The following PCNX1 variants were observed in gnomAD, a reference collection of about 807,000 sequenced individuals.
The protein encoded by PCNX1 is pecanex-like protein 1.
PCNX1 carries 78 observed loss-of-function variants against 242.2 expected under a neutral mutation model. The ratio of observed to expected loss-of-function variants is 0.32; its 90% CI spans 0.27 to 0.39. The LOEUF (loss-of-function observed/expected upper bound fraction) is 0.39, where lower values mean the gene tolerates loss of function less well. Among genes scored for constraint, PCNX1 ranks in the 10% least tolerant of loss-of-function variants. The pLI is 1.00. For synonymous variants in PCNX1, 1,024 were observed against 1,032.9 expected (o/e 0.99, Z 0.17); for missense variants, 2,581 against 2,856.5 (o/e 0.90, Z 2.20).
At chr14:70,975,236 A>G (rs933765846) in intron 5 of PCNX1, among the ~76,000 whole-genome samples, 1 of 152,210 alleles carries the variant, frequency 6.6e-6, no homozygotes, top group Non-Finnish European at 1.5e-5. Context: ...AAATAACATT[A>G]TAATTTAATA....
At chr14:71,105,514 GAGGAT>G in intron 33 of PCNX1, 74 bp downstream of exon 33, 1 of 1,149,854 alleles carries the variant, frequency 8.7e-7, no homozygotes, top group Non-Finnish European at 1.3e-6. Context: ...TGTGTATAAA[GAGGAT>G]TACATGTGGT....
chr14:71,080,372 A>G (rs1192935271), intron 28 of PCNX1, among the ~76,000 whole-genome samples: 1 of 152,110 alleles, frequency 6.6e-6, no homozygotes, highest in South Asian at 2.1e-4. Context: ...TTTTGATTCT[A>G]TAGGAAATTT....
chr14:71,040,620 G>A (rs2060676111), intron 19 of PCNX1, among the ~76,000 whole-genome samples: 1 of 151,910 alleles, frequency 6.6e-6, no homozygotes, highest in African/African-American at 2.4e-5. Context: ...CATGGTAAAT[G>A]GGGTGTAATA....
chr14:71,001,855 C>A (rs1040025741), intron 8 of PCNX1, among the ~76,000 whole-genome samples: 1 of 152,210 alleles, frequency 6.6e-6, no homozygotes, highest in African/African-American at 2.4e-5. Flanking sequence ...TGTTATCTTT[C>A]ACATGTGGCT....
At chr14:70,934,554 G>A (rs1022533269) in intron 1 of PCNX1, among the ~76,000 whole-genome samples, 1 of 152,130 alleles carries the variant, frequency 6.6e-6, no homozygotes, top group African/African-American at 2.4e-5. Context: ...GAGTAGCTGG[G>A]ATTACAGTCA....
At chr14:70,946,691 T>A (rs2057469409) in intron 1 of PCNX1, among the ~76,000 whole-genome samples, 2 of 152,228 alleles carry the variant, frequency 1.3e-5, no homozygotes, top group African/African-American at 4.8e-5. Flanking sequence ...TATTCTCACT[T>A]TACATCTCAG....
chr14:71,023,305 G>GT (rs1368958855), intron 13 of PCNX1, 73 bp downstream of exon 13: 62 of 1,209,196 alleles, frequency 5.1e-5, no homozygotes, highest in Middle Eastern at 2.0e-4. Context: ...TTTGTTTTTT[G>GT]TTTTTTTGTT....
chr14:71,096,390 G>A (rs1201427275), intron 30 of PCNX1, among the ~76,000 whole-genome samples: 2 of 152,164 alleles, frequency 1.3e-5, no homozygotes, highest in East Asian at 3.8e-4. Flanking sequence ...AGGATTGCTT[G>A]AGCAAAGGAG....
At chr14:70,959,528 T>C (rs1224701973) in intron 2 of PCNX1, among the ~76,000 whole-genome samples, 4 of 151,936 alleles carry the variant, frequency 2.6e-5, no homozygotes, top group Non-Finnish European at 5.9e-5. Flanking sequence ...TGATTTCCAA[T>C]TTCATTCGTG....
At position 71,102,064 on chromosome 14, in the gene PCNX1, C is replaced by G; in HGVS notation, c.5664C>G (p.Asn1888Lys). 6.2e-7 allele frequency: 1 copy of G among 1,613,834 alleles called. No homozygotes were observed. The highest frequency in any genetic ancestry group is 8.5e-7 in the Non-Finnish European group (1 of 1,179,776). Reference sequence around the variant, plus strand: ...AAGCCATAGTATCTCATGAGAAGAACCTCGTAATAGCCCATGAAGGGGACC... The same window carrying G: ...AAGCCATAGTATCTCATGAGAAGAAGCTCGTAATAGCCCATGAAGGGGACC... ...LYEAIVSHEKNLVIAHEGDPA... is the reference protein window; with the variant it reads ...LYEAIVSHEKKLVIAHEGDPA... The change falls in exon 31 of 36, where the codon AAC becomes AAG. Residue 1888 changes from asparagine to lysine, a missense_variant. By Grantham distance (94) the Asn-to-Lys change is moderately conservative. Around this residue, in one of 9 missense-constraint regions of PCNX1, gnomAD observed 298 missense variants for 480.1 expected, o/e 0.62. Transcript: ENST00000304743.
In PCNX1 at chr14:71,113,281, A is replaced by G. The variant is rs2062788183; in HGVS notation, c.*3346A>G. ...AAGTATTTTGGAAAATATTTCAAGTATATCTGAACTACTTATAATTCTTAA... is the reference window on the plus strand; with the variant it reads ...AAGTATTTTGGAAAATATTTCAAGTGTATCTGAACTACTTATAATTCTTAA... On this transcript the variant is annotated 3_prime_UTR_variant, in exon 36 of 36. Transcript: ENST00000304743. 6.6e-6 allele frequency: 1 copy of G among 152,386 alleles called. No individual in the cohort carries two copies. Among genetic ancestry groups the G allele is most frequent in the African/African-American group, 2.4e-5 (1 of 41,456 alleles). The allele number at this position is 152,386 out of a possible 1,614,324, so 9.4% of individuals were successfully genotyped here.
At position 70,977,948 on chromosome 14, in the gene PCNX1, A is replaced by G. The variant is rs556382794; in HGVS notation, c.1611A>G (p.Gln537=). 4.3e-6 allele frequency: 7 copies of G among 1,614,138 alleles called. No homozygotes were observed. The African/African-American group carries it at 9.3e-5, about 22-fold the overall frequency. Residue 537 remains glutamine (Q), a synonymous_variant, in exon 6 of 36, where the codon CAA becomes CAG. Coordinates refer to ENST00000304743, the MANE Select transcript of PCNX1 (RefSeq NM_014982.3). ...TGCGTAAAGATGTTGGTGGAAAGCA[A>G]AAGGAAGGGGATGTTCGACCTAAAT... ...SKVRKDVGGK[Q]KEGDVRPKSS... is the part of the protein sequence containing the mutation.
intron 2 of PCNX1, among the ~76,000 whole-genome samples, chr14:70,954,764 GGCTATGATATGTA>G (rs1566617022): frequency 6.6e-6 from 1 of 151,616 alleles, no homozygotes; most frequent in African/African-American, 2.4e-5. Context: ...TTTTTTCACT[GGCTATGATATGTA>G]GCACATGGTT....
chr14:71,035,239 T>C (rs1189001591), intron 18 of PCNX1, among the ~76,000 whole-genome samples: 1 of 151,878 alleles, frequency 6.6e-6, no homozygotes, highest in Non-Finnish European at 1.5e-5. Flanking sequence ...AACAAAAAAT[T>C]ACAGTAACTT....
intron 24 of PCNX1, among the ~76,000 whole-genome samples, chr14:71,052,608 TTAA>T (rs1393122017): frequency 2.6e-5 from 4 of 152,180 alleles, no homozygotes; most frequent in East Asian, 3.8e-4. Flanking sequence ...TTATTTCACA[TTAA>T]TAATACTCTG....
intron 11 of PCNX1, among the ~76,000 whole-genome samples, chr14:71,014,112 A>G (rs1180271553): frequency 2.6e-5 from 4 of 152,186 alleles, no homozygotes; most frequent in African/African-American, 7.2e-5. Flanking sequence ...ACATGTCCCT[A>G]CCAGCCAGAT....
At chr14:70,935,789 T>C (rs1178466814) in intron 1 of PCNX1, among the ~76,000 whole-genome samples, 1 of 152,180 alleles carries the variant, frequency 6.6e-6, no homozygotes, top group Non-Finnish European at 1.5e-5. Flanking sequence ...TATAGCAAAA[T>C]AGGCACTGAA....
chr14:70,929,740 G>A (rs1298323443), intron 1 of PCNX1, among the ~76,000 whole-genome samples: 1 of 152,038 alleles, frequency 6.6e-6, no homozygotes, highest in African/African-American at 2.4e-5. Context: ...AACTTATACT[G>A]AAATGATGAT....
Position 70,995,884 on chromosome 14 carries a change from A to G in PCNX1, c.2588A>G (p.Asn863Ser), listed in dbSNP as rs768537322. 6.2e-5 allele frequency: 100 copies of G among 1,614,016 alleles called. No individual in the cohort carries two copies. Among genetic ancestry groups the G allele is most frequent in the East Asian group, 8.9e-5 (4 of 44,896 alleles). The change falls in exon 8 of 36, where the codon AAT (asparagine) becomes AGT (serine). Residue 863 changes from asparagine (N) to serine (S), a missense_variant. Transcript: ENST00000304743. ...GSVHLEASHDNASAVGGSSLH... is the reference protein window; with the variant it reads ...GSVHLEASHDSASAVGGSSLH... ...GTCCACTTAGAAGCATCACATGACA[A>G]TGCATCTGCTGTAGGCGGTAGCAGT...
Sources: allele counts gnomAD v4.1 joint callset (sites outside exome capture counted in the v4.1 genomes callset), GRCh38; gene constraint gnomAD v4.1.1; regional missense constraint gnomAD v4.1.1; transcripts MANE v1.5; gene names NCBI Gene and HGNC (gene_info 2026-07-23, HGNC 2026-07-21).